TMEM98: variants seen among roughly 807,000 people sequenced by gnomAD.
The protein encoded by TMEM98 is transmembrane protein 98.
A neutral mutation model predicts 25.0 loss-of-function variants in TMEM98; 18 were observed. The ratio of observed to expected loss-of-function variants is 0.72; its 90% confidence interval spans 0.50 to 1.07. The LOEUF (loss-of-function observed/expected upper bound fraction) is 1.07. TMEM98 is among the 50% of genes least tolerant of loss of function. The pLI is 0.00. For missense variants in TMEM98, 241 were observed against 289.0 expected (o/e 0.83, Z 1.20); for synonymous variants, 103 against 112.4 (o/e 0.92, Z 0.53).
In TMEM98 at chr17:32,940,891, T is replaced by C; in HGVS notation, c.579T>C (p.Ala193=). 1.9e-6 allele frequency: 3 copies of C among 1,614,208 alleles called. No individual in the cohort carries two copies. In the South Asian group the frequency reaches 3.3e-5, roughly 18 times the overall value. The change falls in exon 8 of 8, where the codon GCT becomes GCC. Residue 193 remains alanine (A), a synonymous_variant. Coordinates refer to ENST00000579849, the MANE Select transcript of TMEM98 (RefSeq NM_015544.3). ...GGATTGACCAGTCTCTGTCGGCTGC[T>C]GAGGAGCATTTGGAAGTCCTTCGAG... ...LDWIDQSLSA[A]EEHLEVLREA... is the part of the protein sequence containing the mutation.
rs971416506 is a variant in TMEM98, at chr17:32,935,473, T to C, written c.298-859T>C. ...GTCATATTGAATTGGAATCTGTGTC[T>C]ACCCGGCGAACCTCTGATCAAAGGA... On this transcript the variant is annotated intron_variant, in intron 5 of 7. Coordinates refer to ENST00000579849, the MANE Select transcript of TMEM98 (RefSeq NM_015544.3). 7.2e-5 allele frequency among the ~76,000 whole-genome samples: 11 copies of C among 152,284 alleles called. No individual in the cohort carries two copies. In the East Asian group the frequency reaches 2.1e-3, roughly 29 times the overall value.
At chr17:32,933,089 T>C in intron 3 of TMEM98, 85 bp from the exon 4 acceptor site, 1 of 1,554,038 alleles carries the variant, frequency 6.4e-7, no homozygotes. Context: ...CTTACTTCTT[T>C]TATGGTGTAT....
chr17:32,929,547 A>G (rs1043588591), intron 1 of TMEM98, among the ~76,000 whole-genome samples: 4 of 152,200 alleles, frequency 2.6e-5, no homozygotes, highest in Non-Finnish European at 5.9e-5. Context: ...TTAAAAGGAC[A>G]GTAAAGAGAA....
chr17:32,932,944 T>C (rs564404758), intron 3 of TMEM98, among the ~76,000 whole-genome samples: 1 of 152,302 alleles, frequency 6.6e-6, no homozygotes, highest in South Asian at 2.1e-4. Flanking sequence ...TCCATTTCAC[T>C]TTTCTTTTGT....
In TMEM98 at chr17:32,941,065, T is replaced by A. The variant is rs551411885; in HGVS notation, c.*72T>A. 1.6e-5 allele frequency: 21 copies of A among 1,329,304 alleles called. No homozygotes were observed. In the East Asian group the frequency reaches 4.5e-4, roughly 29 times the overall value. The allele number at this position is 1,329,304 out of a possible 1,614,324, so 82.3% of individuals were successfully genotyped here. A position where few individuals can be genotyped will look rare whatever the true frequency, so the allele number is the denominator to read the frequency against. On this transcript the variant is annotated 3_prime_UTR_variant, in exon 8 of 8. Transcript: ENST00000579849. ...TGGATGGCTCAGCTTAGCCTTCTAC[T>A]TTTTCCTATAGAGTTAGTTGTTCTC... is the stretch of plus-strand genomic sequence containing the variant.
Position 32,936,383 on chromosome 17 carries a change from GC to G in TMEM98, c.351del (p.Lys118ArgfsTer2), listed in dbSNP as rs1246945427. On this transcript the variant is annotated frameshift_variant, in exon 6 of 8. Coordinates refer to ENST00000579849, the MANE Select transcript of TMEM98 (RefSeq NM_015544.3). LOFTEE classifies it high-confidence loss of function. The part of the protein sequence containing the change: ...KLVAMTMGSG[A>X]KMKTSASVSD... ...TGTTGCCATGACAATGGGCTCTGGG[GC>G]CAAGATGAAGACTTCAGCCAGTGTC... is the stretch of plus-strand genomic sequence containing the variant. 6.8e-6 allele frequency: 11 copies of G among 1,614,086 alleles called. No homozygotes were observed. The highest frequency in any genetic ancestry group is 9.3e-6 in the Non-Finnish European group (11 of 1,180,044).
chr17:32,930,658 C>A (rs1292131897), intron 1 of TMEM98, among the ~76,000 whole-genome samples: 1 of 152,158 alleles, frequency 6.6e-6, no homozygotes, highest in African/African-American at 2.4e-5. Context: ...CTTTCCATCT[C>A]CTGACTGCAT....
chr17:32,933,023 A>G (rs1314294353), intron 3 of TMEM98, 151 bp from the exon 4 acceptor site: 2 of 1,166,324 alleles, frequency 1.7e-6, no homozygotes, highest in African/African-American at 3.1e-5. Context: ...CTGCAGCCCC[A>G]CTAGGCTTAG....
chr17:32,940,433 A>G (rs1011494334), intron 7 of TMEM98, among the ~76,000 whole-genome samples: 20 of 152,122 alleles, frequency 1.3e-4, no homozygotes, highest in African/African-American at 1.9e-4. Flanking sequence ...CTGATTGACT[A>G]TATCTGAACT....
intron 3 of TMEM98, among the ~76,000 whole-genome samples, chr17:32,932,562 G>C (rs1204024225): frequency 6.6e-6 from 1 of 152,112 alleles, no homozygotes; most frequent in Non-Finnish European, 1.5e-5. Context: ...CTGTCAAGTG[G>C]TTCATAATTT....
chr17:32,936,814 T>C (rs1360406985), intron 6 of TMEM98, among the ~76,000 whole-genome samples: 2 of 152,196 alleles, frequency 1.3e-5, no homozygotes, highest in Non-Finnish European at 2.9e-5. Flanking sequence ...GTCACACAGA[T>C]GCCCACACCC....
chr17:32,938,118 G>T (rs577411072), intron 6 of TMEM98, among the ~76,000 whole-genome samples: 15 of 152,294 alleles, frequency 9.8e-5, no homozygotes, highest in African/African-American at 3.1e-4. Context: ...ACCTGTTCTG[G>T]TGCTCACAGG....
At chr17:32,933,340 TG>T (rs777822671) in intron 4 of TMEM98, 35 bp downstream of exon 4, 11 of 1,613,184 alleles carry the variant, frequency 6.8e-6, no homozygotes, top group Non-Finnish European at 9.3e-6. Context: ...TCCGGGCTTC[TG>T]GCAAATGATG....
intron 1 of TMEM98, 55 bp from the exon 2 acceptor site, chr17:32,931,272 G>A (rs1459911938): frequency 4.9e-6 from 2 of 405,918 alleles, no homozygotes; most frequent in Non-Finnish European, 8.7e-6. Flanking sequence ...ATTCTTCTGA[G>A]AAAGGAAAAG....
intron 4 of TMEM98, among the ~76,000 whole-genome samples, chr17:32,933,994 A>C (rs373549287): frequency 4.3e-4 from 66 of 152,350 alleles, no homozygotes; most frequent in African/African-American, 1.6e-3. Flanking sequence ...GGGGAAGGAC[A>C]CATTGGGCAG....
chr17:32,930,332 C>T (rs2091460700), intron 1 of TMEM98, among the ~76,000 whole-genome samples: 2 of 152,302 alleles, frequency 1.3e-5, no homozygotes, highest in Admixed American at 1.3e-4. Flanking sequence ...CTACTGTTAT[C>T]AAGTTACATT....
intron 1 of TMEM98, among the ~76,000 whole-genome samples, chr17:32,930,454 C>G (rs1009478697): frequency 6.6e-6 from 1 of 152,148 alleles, no homozygotes; most frequent in Non-Finnish European, 1.5e-5. Context: ...TAAAAGAATT[C>G]TATGAGAAAA....
rs541215825 is a variant in TMEM98 at position 32,934,036 on chromosome 17, T to C, written c.264-255T>C. Among the ~76,000 whole-genome samples the C allele has an allele frequency of 5.3e-5, 8 of 152,308 alleles. 1 individual carries two copies. The South Asian group carries it at 1.7e-3, about 32-fold the overall frequency. ...CAGTCTACCAGAAGCTTGAGAGTTATATTAAAGCATGACTCGCTAGGCACA... is the reference window on the plus strand; with the variant it reads ...CAGTCTACCAGAAGCTTGAGAGTTACATTAAAGCATGACTCGCTAGGCACA... On this transcript the variant is annotated intron_variant, in intron 4 of 7. Coordinates refer to ENST00000579849, the MANE Select transcript of TMEM98 (RefSeq NM_015544.3).
rs1055301169 is a variant in TMEM98, at chr17:32,942,921, A to G, written c.*1928A>G. 12 of 152,204 alleles carry G rather than the reference A, an allele frequency of 7.9e-5. No homozygotes were observed. The South Asian group carries it at 1.2e-3, about 16-fold the overall frequency. The allele number at this position is 152,204 out of a possible 1,614,324, so 9.4% of individuals were successfully genotyped here. ...TCATGCTAAGTTTGCAATGGCTGCC[A>G]CAGTTGTAAGTGTCCCCTGCATTTT... On this transcript the variant is annotated 3_prime_UTR_variant, in exon 8 of 8. Transcript: ENST00000579849.
Sources: gnomAD v4.1 joint callset for allele counts (sites outside exome capture counted in the v4.1 genomes callset) on GRCh38, gnomAD v4.1.1 for gene constraint, MANE v1.5 for transcripts, NCBI Gene and HGNC (gene_info 2026-07-23, HGNC 2026-07-21) for gene names.